Variants in PHKB observed in about 807,000 individuals in gnomAD.
The protein encoded by PHKB is phosphorylase kinase regulatory subunit beta, also known as phosphorylase b kinase regulatory subunit beta.
In PHKB, 122 loss-of-function variants were observed where a neutral mutation model predicts 152.1. That is an observed-to-expected ratio of 0.80 (90% confidence interval 0.69 to 0.93). PHKB has a LOEUF of 0.93. Ranked by LOEUF, PHKB falls within the 40% of genes least tolerant of loss-of-function variation. PHKB has a pLI of 0.00. For synonymous variants in PHKB, 436 were observed against 464.9 expected (o/e 0.94, Z 0.80); for missense variants, 1,304 against 1,328.4 (o/e 0.98, Z 0.29).
intron 14 of PHKB, among the ~76,000 whole-genome samples, chr16:47,611,680 A>G (rs1445739412): frequency 6.6e-6 from 1 of 152,188 alleles, no homozygotes; most frequent in South Asian, 2.1e-4. Context: ...ACACACACAC[A>G]CACACACAGA....
At chr16:47,473,218 ATTTTTTTTTTTTTTTTTTTTT>A (rs1043960499) in intron 1 of PHKB, among the ~76,000 whole-genome samples, 1 of 48,738 alleles carries the variant, frequency 2.1e-5, no homozygotes, top group African/African-American at 7.8e-5. Context: ...TGCCTGGCTA[ATTTTTTTTTTTTTTTTTTTTT>A]TTTTTTTTTT....
intron 13 of PHKB, among the ~76,000 whole-genome samples, chr16:47,602,904 CAA>C (rs1233276996): frequency 6.6e-6 from 1 of 152,074 alleles, no homozygotes; most frequent in Non-Finnish European, 1.5e-5. Context: ...AGCTCACTAA[CAA>C]GAGTTATAGG....
intron 1 of PHKB, among the ~76,000 whole-genome samples, chr16:47,471,420 T>A (rs1052537458): frequency 3.3e-4 from 50 of 152,176 alleles, no homozygotes; most frequent in African/African-American, 1.2e-3. Flanking sequence ...TATTTTATGA[T>A]GATTCTCTGT....
chr16:47,607,087 T>A (rs1325203107), intron 13 of PHKB, among the ~76,000 whole-genome samples: 1 of 152,186 alleles, frequency 6.6e-6, no homozygotes, highest in Non-Finnish European at 1.5e-5. Flanking sequence ...ACAAACTGAT[T>A]TCCTTCCTAT....
chr16:47,533,186 C>G (rs1187392677), intron 6 of PHKB, among the ~76,000 whole-genome samples: 2 of 152,156 alleles, frequency 1.3e-5, no homozygotes, highest in South Asian at 2.1e-4. Flanking sequence ...GAGTAGGTAG[C>G]TCCTCTCTGC....
At chr16:47,545,433 T>C (rs1971142824) in intron 6 of PHKB, among the ~76,000 whole-genome samples, 1 of 152,228 alleles carries the variant, frequency 6.6e-6, no homozygotes, top group Non-Finnish European at 1.5e-5. Flanking sequence ...CACTCTCTTC[T>C]GGCTTGTATG....
chr16:47,685,834 T>C (rs975930083), intron 26 of PHKB, among the ~76,000 whole-genome samples: 5 of 150,322 alleles, frequency 3.3e-5, no homozygotes, highest in Admixed American at 1.3e-4. Context: ...CTCCGCCTCC[T>C]GGGTTCACAC....
At chr16:47,602,769 A>G (rs919168822) in intron 13 of PHKB, among the ~76,000 whole-genome samples, 7 of 152,080 alleles carry the variant, frequency 4.6e-5, no homozygotes, top group Non-Finnish European at 8.8e-5. Flanking sequence ...AGCATTTACT[A>G]TGGGACAAAT....
chr16:47,532,981 T>A (rs1970887929), intron 6 of PHKB, among the ~76,000 whole-genome samples: 1 of 152,156 alleles, frequency 6.6e-6, no homozygotes, highest in Non-Finnish European at 1.5e-5. Flanking sequence ...GGTAGCTTCT[T>A]TCTGCAGCCA....
chr16:47,681,124 G>T (rs931683988), intron 26 of PHKB, among the ~76,000 whole-genome samples: 1 of 152,176 alleles, frequency 6.6e-6, no homozygotes, highest in African/African-American at 2.4e-5. Flanking sequence ...ATTACACTGT[G>T]GTCTGAGAAA....
rs142807787 is a variant in PHKB at position 47,476,631 on chromosome 16, A to G, written c.76+15205A>G. Among the ~76,000 whole-genome samples the G allele has an allele frequency of 8.6e-4, 131 of 152,292 alleles. 1 individual carries two copies. Among genetic ancestry groups the G allele is most frequent in the African/African-American group, 3.0e-3 (124 of 41,572 alleles). ...ATATTGATACTTATACCTAAGACCT[A>G]TACCAAATTTAAGTCCTTCTTAGTT... On this transcript the variant is annotated intron_variant, in intron 1 of 30. Transcript: ENST00000323584.
intron 7 of PHKB, among the ~76,000 whole-genome samples, chr16:47,574,060 C>T (rs1203933909): frequency 3.3e-5 from 5 of 152,196 alleles, no homozygotes; most frequent in South Asian, 2.1e-4. Flanking sequence ...GCTGAGATTA[C>T]AGGCATGCAC....
intron 7 of PHKB, among the ~76,000 whole-genome samples, chr16:47,573,059 C>T (rs1323212288): frequency 6.6e-6 from 1 of 152,128 alleles, no homozygotes; most frequent in Admixed American, 6.5e-5. Context: ...ACCTTCAACC[C>T]TTGTGTCTTC....
chr16:47,523,695 C>T (rs1371551673), intron 6 of PHKB, among the ~76,000 whole-genome samples: 1 of 152,168 alleles, frequency 6.6e-6, no homozygotes, highest in East Asian at 1.9e-4. Flanking sequence ...CCCCCGTGGA[C>T]ACTTCATCCC....
At chr16:47,567,993 A>G (rs1446759674) in intron 7 of PHKB, among the ~76,000 whole-genome samples, 1 of 151,930 alleles carries the variant, frequency 6.6e-6, no homozygotes, top group Non-Finnish European at 1.5e-5. Context: ...TTTGGTCTGT[A>G]TTTCTTTATT....
chr16:47,470,298 A>G (rs1037465781), intron 1 of PHKB, among the ~76,000 whole-genome samples: 1 of 152,234 alleles, frequency 6.6e-6, no homozygotes, highest in African/African-American at 2.4e-5. Context: ...GAAACAAGGG[A>G]TGGGCCGAAT....
At chr16:47,520,366 G>A (rs1377274366) in intron 6 of PHKB, among the ~76,000 whole-genome samples, 2 of 152,200 alleles carry the variant, frequency 1.3e-5, no homozygotes, top group African/African-American at 2.4e-5. Context: ...CAGCAACTCT[G>A]TCAGGTAGGT....
intron 26 of PHKB, chr16:47,675,701 G>A (rs1973719273): frequency 6.6e-6 from 1 of 152,050 alleles, no homozygotes; most frequent in South Asian, 2.1e-4. Context: ...ATCTCATATG[G>A]AAACTCCATC....
rs557162712 is a variant in PHKB at position 47,491,161 on chromosome 16, G to T, written c.77-6238G>T. Among the ~76,000 whole-genome samples the T allele has an allele frequency of 2.0e-3, 308 of 152,228 alleles. 1 individual carries two copies. Among genetic ancestry groups the T allele is most frequent in the Non-Finnish European group, 3.3e-3 (224 of 68,016 alleles). On this transcript the variant is annotated intron_variant, in intron 1 of 30. Coordinates refer to ENST00000323584, the MANE Select transcript of PHKB (RefSeq NM_000293.3). ...TTTAATTGTGTGCCAGATACAGCCA[G>T]CATAATTGACTCCTTCCAGCATAAG...
Sources: gnomAD v4.1 joint callset for allele counts (sites outside exome capture counted in the v4.1 genomes callset) on GRCh38, gnomAD v4.1.1 for gene constraint, MANE v1.5 for transcripts, NCBI Gene and HGNC (gene_info 2026-07-23, HGNC 2026-07-21) for gene names.